Variants in ANKS1B observed in about 807,000 individuals in gnomAD.
ANKS1B encodes ankyrin repeat and sterile alpha motif domain containing 1B.
Under a neutral mutation model 148.3 loss-of-function variants are expected in ANKS1B, and 36 were observed. That is an observed-to-expected ratio of 0.24 (90% confidence interval 0.19 to 0.32). The LOEUF (loss-of-function observed/expected upper bound fraction) is 0.32, where lower values mean the gene tolerates loss of function less well. Among genes scored for constraint, ANKS1B ranks in the 10% least tolerant of loss-of-function variants. The pLI, the probability that ANKS1B is intolerant of heterozygous loss-of-function variation, is 1.00. For synonymous variants in ANKS1B, 542 were observed against 560.8 expected (o/e 0.97, Z 0.47); for missense variants, 1,157 against 1,542.6 (o/e 0.75, Z 4.19).
chr12:98,774,851 AT>A (rs2098652070), intron 24 of ANKS1B, among the ~76,000 whole-genome samples: 1 of 152,226 alleles, frequency 6.6e-6, no homozygotes, highest in Non-Finnish European at 1.5e-5. Flanking sequence ...TTGTGTTGAC[AT>A]TAATGCAGTG....
chr12:99,048,539 T>C (rs550100502), intron 17 of ANKS1B, among the ~76,000 whole-genome samples: 1 of 152,332 alleles, frequency 6.6e-6, no homozygotes, highest in South Asian at 2.1e-4. Context: ...GACATTTTAG[T>C]GATTAAATGC....
intron 9 of ANKS1B, among the ~76,000 whole-genome samples, chr12:99,605,602 G>A (rs2097845943): frequency 6.6e-6 from 1 of 151,976 alleles, no homozygotes; most frequent in South Asian, 2.1e-4. Context: ...TTCTGTGTCT[G>A]GCTTATTTCA....
chr12:99,728,903 C>T (rs887196664), intron 8 of ANKS1B, among the ~76,000 whole-genome samples: 1 of 152,162 alleles, frequency 6.6e-6, no homozygotes, highest in Non-Finnish European at 1.5e-5. Context: ...CCAAACACCG[C>T]ATGTTTTCAC....
rs374248114 is a variant in ANKS1B, at chr12:99,806,712, A to G, written c.373-12T>C. ...TCATTTTCATTGTTCTAAGACAAAG[A>G]TTTTTAAAAAGGCACATTTTCAGAA... On this transcript the variant is annotated splice_polypyrimidine_tract_variant and intron_variant, in intron 3 of 26. Transcript: ENST00000683438. The G allele has an allele frequency of 1.4e-5, 22 of 1,587,386 alleles. 1 individual carries two copies. The highest frequency in any genetic ancestry group is 6.8e-5 in the East Asian group (3 of 44,240).
At chr12:99,489,592 G>A (rs190186938) in intron 10 of ANKS1B, among the ~76,000 whole-genome samples, 52 of 152,192 alleles carry the variant, frequency 3.4e-4, no homozygotes, top group Admixed American at 1.8e-3. Flanking sequence ...GTATGCCACC[G>A]TATCTCAAGA....
At chr12:98,739,434 C>T (rs945889843), downstream of ANKS1B, among the ~76,000 whole-genome samples, 1 of 152,160 alleles carries the variant, frequency 6.6e-6, no homozygotes, top group South Asian at 2.1e-4. Context: ...GGGGGGAATG[C>T]GTTGGATTTG....
intron 11 of ANKS1B, among the ~76,000 whole-genome samples, chr12:99,441,162 A>T (rs1303974304): frequency 1.3e-5 from 2 of 151,892 alleles, no homozygotes; most frequent in Admixed American, 6.6e-5. Context: ...CAGAGAGAAA[A>T]CCAGAATTAA....
chr12:99,213,922 G>A (rs1232823606), intron 14 of ANKS1B, among the ~76,000 whole-genome samples: 2 of 152,134 alleles, frequency 1.3e-5, no homozygotes, highest in Non-Finnish European at 2.9e-5. Flanking sequence ...TTTTTCATAG[G>A]ATTTTAGGGA....
At chr12:99,906,555 G>T (rs1420821815) in intron 1 of ANKS1B, among the ~76,000 whole-genome samples, 1 of 152,184 alleles carries the variant, frequency 6.6e-6, no homozygotes, top group Non-Finnish European at 1.5e-5. Flanking sequence ...ATTCAAGGAA[G>T]TGGGCCATAT....
At position 98,745,596 on chromosome 12, in the gene ANKS1B, G is replaced by T. The variant is rs577214059; in HGVS notation, c.*143C>A. On this transcript the variant is annotated 3_prime_UTR_variant, in exon 27 of 27. Transcript: ENST00000683438. The stretch of plus-strand genomic sequence containing the variant: ...TGCAGAAAGAACTTCCCCAGGAATG[G>T]CCAGTGGCCTTTCGCCCGTAACAAG... 2.1e-6 allele frequency: 3 copies of T among 1,419,526 alleles called. No homozygotes were observed. In the East Asian group the frequency reaches 8.2e-5, roughly 39 times the overall value. The allele number at this position is 1,419,526 out of a possible 1,614,324, so 87.9% of individuals were successfully genotyped here.
At chr12:99,756,604 A>G (rs1403398338) in intron 8 of ANKS1B, among the ~76,000 whole-genome samples, 2 of 152,122 alleles carry the variant, frequency 1.3e-5, no homozygotes, top group African/African-American at 4.8e-5. Flanking sequence ...ACCAAAAAAG[A>G]ACCAAAATAT....
At chr12:99,067,447 C>A (rs1485278817) in intron 16 of ANKS1B, among the ~76,000 whole-genome samples, 1 of 152,190 alleles carries the variant, frequency 6.6e-6, no homozygotes, top group Non-Finnish European at 1.5e-5. Flanking sequence ...GATTTGGCAC[C>A]TTCAGTGAGT....
intron 17 of ANKS1B, among the ~76,000 whole-genome samples, chr12:98,962,144 TAA>T (rs549255869): frequency 7.4e-6 from 1 of 134,466 alleles, no homozygotes; most frequent in Admixed American, 7.5e-5. Context: ...GCTGAATGGA[TAA>T]AAAAAAAAAA....
chr12:99,739,000 G>C (rs560726164), intron 8 of ANKS1B, among the ~76,000 whole-genome samples: 4 of 151,998 alleles, frequency 2.6e-5, no homozygotes, highest in Admixed American at 6.6e-5. Context: ...AAGTCCTCTA[G>C]TGGAAGGCCA....
intron 24 of ANKS1B, among the ~76,000 whole-genome samples, chr12:98,778,854 A>G (rs2098706302): frequency 6.6e-6 from 1 of 152,170 alleles, no homozygotes; most frequent in Non-Finnish European, 1.5e-5. Flanking sequence ...CACAGCAACT[A>G]CTAGACTATT....
chr12:99,329,384 T>G (rs1173939699), intron 12 of ANKS1B, among the ~76,000 whole-genome samples: 1 of 151,978 alleles, frequency 6.6e-6, no homozygotes, highest in African/African-American at 2.4e-5. Flanking sequence ...TTCATAATTA[T>G]AAATGATGTT....
At chr12:99,807,484 G>C (rs1280602852) in intron 3 of ANKS1B, among the ~76,000 whole-genome samples, 1 of 152,112 alleles carries the variant, frequency 6.6e-6, no homozygotes, top group Admixed American at 6.6e-5. Flanking sequence ...ATGGTGTATA[G>C]GTATGTCAGG....
chr12:98,858,271 T>C (rs2099581829), intron 17 of ANKS1B, among the ~76,000 whole-genome samples: 3 of 152,158 alleles, frequency 2.0e-5, no homozygotes, highest in Admixed American at 6.5e-5. Flanking sequence ...AAAATCATAG[T>C]TTAGAGTAGA....
At chr12:99,803,763 C>A (rs1401224390) in intron 4 of ANKS1B, among the ~76,000 whole-genome samples, 1 of 152,176 alleles carries the variant, frequency 6.6e-6, no homozygotes, top group Non-Finnish European at 1.5e-5. Flanking sequence ...CTAAAGGCCA[C>A]CTAAAATTCA....
Sources: allele counts gnomAD v4.1 joint callset (sites outside exome capture counted in the v4.1 genomes callset), GRCh38; gene constraint gnomAD v4.1.1; transcripts MANE v1.5; gene names NCBI Gene and HGNC (gene_info 2026-07-23, HGNC 2026-07-21).